Variants in ADAM32 observed in about 807,000 individuals in gnomAD.
The protein encoded by ADAM32 is disintegrin and metalloproteinase domain-containing protein 32.
ADAM32 carries 89 observed loss-of-function variants against 114.9 expected under a neutral mutation model. The observed-to-expected ratio is 0.77, with a 90% confidence interval of 0.65 to 0.92. The LOEUF (loss-of-function observed/expected upper bound fraction) is 0.92, where lower values mean the gene tolerates loss of function less well. Ranked by LOEUF, ADAM32 falls within the 40% of genes least tolerant of loss-of-function variation. The probability of loss-of-function intolerance (pLI) is 0.00; values close to 1 mark genes in which losing one functional copy is unlikely to be tolerated. For synonymous variants in ADAM32, 285 were observed against 307.5 expected, an observed-to-expected ratio of 0.93 and a Z score of 0.77; for missense variants, 870 against 932.8, an observed-to-expected ratio of 0.93 and a Z score of 0.88.
At chr8:39,277,844 G>A (rs1358035719) in intron 22 of ADAM32, among the ~76,000 whole-genome samples, 1 of 152,264 alleles carries the variant, frequency 6.6e-6, no homozygotes, top group Non-Finnish European at 1.5e-5. Flanking sequence ...GTGTTACAGT[G>A]CTCTTTTAGC....
intron 22 of ADAM32, among the ~76,000 whole-genome samples, chr8:39,276,637 C>A (rs921910144): frequency 6.6e-6 from 1 of 152,170 alleles, no homozygotes; most frequent in African/African-American, 2.4e-5. Flanking sequence ...TGTATGATTT[C>A]TTTTGTTCCA....
intron 11 of ADAM32, among the ~76,000 whole-genome samples, chr8:39,189,453 C>G (rs1431563751): frequency 6.6e-6 from 1 of 151,960 alleles, no homozygotes; most frequent in Non-Finnish European, 1.5e-5. Context: ...AAAACTGTGT[C>G]TAAATGTATT....
chr8:39,222,186 C>A (rs953684986), intron 13 of ADAM32, among the ~76,000 whole-genome samples: 2 of 151,968 alleles, frequency 1.3e-5, no homozygotes, highest in African/African-American at 4.8e-5. Flanking sequence ...GATCATTTGA[C>A]TTAAAGATTA....
chr8:39,270,941 G>A (rs1272836764), intron 20 of ADAM32, 27 bp downstream of exon 20: 1 of 1,582,934 alleles, frequency 6.3e-7, no homozygotes, highest in East Asian at 2.2e-5. Context: ...GTGTTTTTAA[G>A]ATACATGTTG....
At chr8:39,262,954 C>T (rs1489816570) in intron 19 of ADAM32, among the ~76,000 whole-genome samples, 1 of 152,094 alleles carries the variant, frequency 6.6e-6, no homozygotes, top group East Asian at 1.9e-4. Flanking sequence ...GTGATCTGCC[C>T]ACCTTGGCTT....
chr8:39,148,481 CTT>C (rs58573029), intron 4 of ADAM32, among the ~76,000 whole-genome samples: 149 of 138,846 alleles, frequency 1.1e-3, no homozygotes, highest in Middle Eastern at 3.7e-3. Context: ...TTTCCTTTAC[CTT>C]TTTTTTTTTT....
At chr8:39,163,051 A>C (rs1487477361) in intron 7 of ADAM32, among the ~76,000 whole-genome samples, 1 of 152,210 alleles carries the variant, frequency 6.6e-6, no homozygotes, top group Non-Finnish European at 1.5e-5. Flanking sequence ...TATTTTCTTC[A>C]GTGACTTTAT....
intron 7 of ADAM32, among the ~76,000 whole-genome samples, chr8:39,162,355 G>A (rs1420035127): frequency 2.6e-5 from 4 of 151,832 alleles, no homozygotes; most frequent in South Asian, 4.2e-4. Flanking sequence ...ATTTTTTATG[G>A]CTGCATAGTA....
At chr8:39,267,014 C>T (rs1276355892) in intron 19 of ADAM32, among the ~76,000 whole-genome samples, 1 of 152,218 alleles carries the variant, frequency 6.6e-6, no homozygotes, top group Non-Finnish European at 1.5e-5. Flanking sequence ...AGGTTAAACC[C>T]CTGTTGCACT....
Position 39,149,820 on chromosome 8 carries a change from A to C in ADAM32, c.306A>C (p.Glu102Asp). ...QTQCYYQGNI[E>D]GYPDSMVTLS... Reference sequence around the variant, plus strand: ...AATGCTACTATCAAGGAAATATTGAAGGATATCCAGATTCCATGGTCACAC... The same window carrying C: ...AATGCTACTATCAAGGAAATATTGACGGATATCCAGATTCCATGGTCACAC... The change falls in exon 5 of 25, where the codon GAA becomes GAC. Residue 102 changes from glutamate (E) to aspartate (D), a missense_variant. By Grantham distance (45) the Glu-to-Asp change is conservative. Coordinates refer to ENST00000379907, the MANE Select transcript of ADAM32 (RefSeq NM_145004.7). The C allele has an allele frequency of 6.2e-7, 1 of 1,611,846 alleles. No individual in the cohort carries two copies. Among genetic ancestry groups the C allele is most frequent in the Non-Finnish European group, 8.5e-7 (1 of 1,178,650 alleles).
intron 14 of ADAM32, chr8:39,223,733 C>G (rs1295386579): frequency 6.6e-6 from 1 of 152,028 alleles, no homozygotes; most frequent in African/African-American, 2.4e-5. Context: ...TTGTACATTA[C>G]ATCTCTTGAA....
chr8:39,262,209 T>C (rs1246909131), intron 19 of ADAM32, among the ~76,000 whole-genome samples: 1 of 152,070 alleles, frequency 6.6e-6, no homozygotes, highest in Non-Finnish European at 1.5e-5. Flanking sequence ...TATGAGTTTT[T>C]TTTTTTTTCT....
At chr8:39,232,472 A>G (rs1404572526) in intron 15 of ADAM32, among the ~76,000 whole-genome samples, 1 of 152,140 alleles carries the variant, frequency 6.6e-6, no homozygotes, top group African/African-American at 2.4e-5. Context: ...TATAAAATGC[A>G]GTTCAATTCC....
intron 14 of ADAM32, among the ~76,000 whole-genome samples, chr8:39,228,998 A>C (rs971022751): frequency 4.6e-5 from 7 of 152,224 alleles, no homozygotes; most frequent in African/African-American, 1.7e-4. Flanking sequence ...CAGAAACCCT[A>C]CAAGCTAGAA....
At chr8:39,127,047 G>C (rs147185349) in intron 2 of ADAM32, among the ~76,000 whole-genome samples, 122 of 152,252 alleles carry the variant, frequency 8.0e-4, no homozygotes, top group Non-Finnish European at 1.2e-3. Context: ...TAAGCTTTTG[G>C]ATATGCAGGT....
At chr8:39,146,890 T>G (rs560323607) in intron 3 of ADAM32, among the ~76,000 whole-genome samples, 10 of 152,356 alleles carry the variant, frequency 6.6e-5, no homozygotes, top group Middle Eastern at 3.4e-3. Flanking sequence ...AAGATTCAGA[T>G]AGTAAATGTT....
At chr8:39,187,237 C>A (rs1440408497) in intron 11 of ADAM32, among the ~76,000 whole-genome samples, 192 bp downstream of exon 11, 2 of 152,116 alleles carry the variant, frequency 1.3e-5, no homozygotes, top group African/African-American at 2.4e-5. Context: ...CAAATCCAAT[C>A]TGAAAGATAT....
At chr8:39,139,335 C>G (rs1024821300) in intron 3 of ADAM32, among the ~76,000 whole-genome samples, 1 of 152,128 alleles carries the variant, frequency 6.6e-6, no homozygotes, top group Non-Finnish European at 1.5e-5. Flanking sequence ...TTTAATCCAT[C>G]CTGAGTTAAT....
chr8:39,187,576 C>T (rs1386785748), intron 11 of ADAM32, among the ~76,000 whole-genome samples: 1 of 152,126 alleles, frequency 6.6e-6, no homozygotes, highest in Admixed American at 6.5e-5. Flanking sequence ...CGGCCAGGAT[C>T]TTTAAAAATA....
Sources: allele counts gnomAD v4.1 joint callset (sites outside exome capture counted in the v4.1 genomes callset), GRCh38; gene constraint gnomAD v4.1.1; transcripts MANE v1.5; gene names NCBI Gene and HGNC (gene_info 2026-07-23, HGNC 2026-07-21).